Variants in MCTP1 observed in about 807,000 individuals in gnomAD.
MCTP1 encodes the protein multiple C2 and transmembrane domain-containing protein 1.
MCTP1 carries 69 observed loss-of-function variants against 120.6 expected under a neutral mutation model. The observed-to-expected ratio is 0.57, with a 90% CI of 0.47 to 0.70. MCTP1 has a LOEUF of 0.70. Ranked by LOEUF, MCTP1 falls within the 30% of genes least tolerant of loss-of-function variation. The pLI is 0.00. For synonymous variants in MCTP1, 529 were observed against 493.1 expected, an observed-to-expected ratio of 1.07 and a Z score of -0.96; for missense variants, 1,203 against 1,248.8, an observed-to-expected ratio of 0.96 and a Z score of 0.55.
intron 1 of MCTP1, among the ~76,000 whole-genome samples, chr5:95,144,507 G>A (rs900633133): frequency 2.6e-5 from 4 of 151,588 alleles, no homozygotes; most frequent in Non-Finnish European, 4.4e-5. Context: ...GAGTATTTTC[G>A]GCTTTGTTTT....
chr5:95,136,399 G>A (rs1251899446), intron 1 of MCTP1, among the ~76,000 whole-genome samples: 1 of 151,440 alleles, frequency 6.6e-6, no homozygotes, highest in African/African-American at 2.5e-5. Flanking sequence ...TCTGATTTGT[G>A]ATGAGATGTT....
intron 2 of MCTP1, among the ~76,000 whole-genome samples, chr5:95,004,282 A>C (rs1403820074): frequency 6.6e-6 from 1 of 152,206 alleles, no homozygotes; most frequent in African/African-American, 2.4e-5. Flanking sequence ...ATTATCTGAA[A>C]CTGAAACTTA....
intron 19 of MCTP1, among the ~76,000 whole-genome samples, chr5:94,731,902 T>C (rs1332995610): frequency 1.3e-5 from 2 of 152,242 alleles, no homozygotes; most frequent in Admixed American, 1.3e-4. Context: ...ATAATTTAGA[T>C]ACTTTAGTAA....
rs1420958183 is a variant in MCTP1, at chr5:94,986,498, A to G, written c.838+30869T>C. ...TTCAAAACACCCTATCCCTGTGCTT[A>G]GGTCCATTTGTTTTTGTGTTTTTTG... On this transcript the variant is annotated intron_variant, in intron 2 of 22. Transcript: ENST00000515393. Among the ~76,000 whole-genome samples, 3 of 152,002 alleles carry G rather than the reference A, an allele frequency of 2.0e-5. No homozygotes were observed. The East Asian group carries it at 5.8e-4, about 29-fold the overall frequency.
At chr5:95,175,171 T>C (rs933774508) in intron 1 of MCTP1, among the ~76,000 whole-genome samples, 1 of 152,216 alleles carries the variant, frequency 6.6e-6, no homozygotes, top group African/African-American at 2.4e-5. Flanking sequence ...TAAGTGAAAA[T>C]GATGCTCTGA....
intron 1 of MCTP1, among the ~76,000 whole-genome samples, chr5:95,117,345 T>C (rs1461694357): frequency 1.4e-5 from 2 of 141,138 alleles, no homozygotes; most frequent in Non-Finnish European, 3.0e-5. Flanking sequence ...GAGCCAAGAT[T>C]GCGCCACTGC....
chr5:95,153,789 C>G (rs531620142), intron 1 of MCTP1, among the ~76,000 whole-genome samples: 30 of 152,264 alleles, frequency 2.0e-4, no homozygotes, highest in African/African-American at 7.2e-4. Flanking sequence ...TGGAGTGTTC[C>G]TTTGCCAAGA....
At chr5:94,748,029 G>T (rs1289182483) in intron 19 of MCTP1, among the ~76,000 whole-genome samples, 1 of 152,204 alleles carries the variant, frequency 6.6e-6, no homozygotes, top group African/African-American at 2.4e-5. Flanking sequence ...GTCAGAGGTT[G>T]CAGCGAGCTG....
At chr5:95,221,489 T>TC (rs1753691444) in intron 1 of MCTP1, among the ~76,000 whole-genome samples, 1 of 152,100 alleles carries the variant, frequency 6.6e-6, no homozygotes, top group African/African-American at 2.4e-5. Flanking sequence ...GTCCTCTACT[T>TC]CCCATGGTGA....
chr5:95,088,618 C>A (rs1755615462), intron 1 of MCTP1, among the ~76,000 whole-genome samples: 1 of 152,190 alleles, frequency 6.6e-6, no homozygotes. Context: ...GGGATTAGAA[C>A]CTGCATCCTC....
intron 2 of MCTP1, among the ~76,000 whole-genome samples, chr5:95,016,495 C>T (rs999786934): frequency 3.3e-5 from 5 of 151,868 alleles, no homozygotes; most frequent in South Asian, 2.1e-4. Context: ...CTAAATATGA[C>T]GTCAAATAGG....
chr5:95,043,125 C>T (rs1842621087), intron 1 of MCTP1, among the ~76,000 whole-genome samples: 1 of 152,126 alleles, frequency 6.6e-6, no homozygotes, highest in South Asian at 2.1e-4. Context: ...GAGTGAGTTT[C>T]CCATACAGCT....
At chr5:95,274,626 C>CTTTTTTTCTTT (rs11283018) in intron 1 of MCTP1, among the ~76,000 whole-genome samples, 41 of 149,664 alleles carry the variant, frequency 2.7e-4, no homozygotes, top group South Asian at 1.3e-3. Context: ...TTACTGCTTT[C>CTTTTTTTCTTT]TTTTTTTCTT....
In MCTP1 at chr5:94,871,329, T is replaced by C. The variant is rs775345590; in HGVS notation, c.2125A>G (p.Ile709Val). Reference protein sequence around the residue: ...RSADFLGKVAIPLLSIQNGEQ... With the variant: ...RSADFLGKVAVPLLSIQNGEQ... ...ATAAAACTTACAGACAGCAATGGTA[T>C]AGCAACTTTGCCCAGAAAGTCAGCA... Residue 709 changes from isoleucine (I) to valine (V), a missense_variant, in exon 14 of 23, where the codon ATA becomes GTA. Coordinates refer to ENST00000515393, the MANE Select transcript of MCTP1 (RefSeq NM_024717.7). 4 of 1,606,618 alleles carry C rather than the reference T, an allele frequency of 2.5e-6. No homozygotes were observed. Among genetic ancestry groups the C allele is most frequent in the Non-Finnish European group, 3.4e-6 (4 of 1,173,724 alleles).
chr5:95,272,172 T>C (rs968195387), intron 1 of MCTP1, among the ~76,000 whole-genome samples: 1 of 152,208 alleles, frequency 6.6e-6, no homozygotes, highest in Non-Finnish European at 1.5e-5. Context: ...TGTGTGTGCA[T>C]ACGTGTGTAT....
chr5:94,851,503 T>C (rs965375442), intron 17 of MCTP1, among the ~76,000 whole-genome samples: 4 of 152,080 alleles, frequency 2.6e-5, no homozygotes, highest in Admixed American at 1.3e-4. Flanking sequence ...TTATACAGTT[T>C]AAACATTCTG....
chr5:95,070,335 AACACCTTGCACTT>A (rs1275921247), intron 1 of MCTP1, among the ~76,000 whole-genome samples: 2 of 149,012 alleles, frequency 1.3e-5, no homozygotes, highest in African/African-American at 4.9e-5. Context: ...TGCTGAGTGC[AACACCTTGCACTT>A]GAGTGCAACA....
At chr5:95,257,194 T>C (rs1182944927) in intron 1 of MCTP1, among the ~76,000 whole-genome samples, 1 of 152,120 alleles carries the variant, frequency 6.6e-6, no homozygotes, top group Non-Finnish European at 1.5e-5. Context: ...GTCCTCAAAC[T>C]CTCCTCAAAA....
chr5:94,918,476 G>T (rs1810708718), intron 7 of MCTP1, among the ~76,000 whole-genome samples: 1 of 152,074 alleles, frequency 6.6e-6, no homozygotes, highest in African/African-American at 2.4e-5. Context: ...AAACTAATAG[G>T]GAAATTTTGT....
Sources: allele counts gnomAD v4.1 joint callset (sites outside exome capture counted in the v4.1 genomes callset), GRCh38; gene constraint gnomAD v4.1.1; transcripts MANE v1.5; gene names NCBI Gene and HGNC (gene_info 2026-07-23, HGNC 2026-07-21).